The following GRIK2 variants were observed in gnomAD, a reference collection of about 807,000 sequenced individuals.
GRIK2 encodes glutamate ionotropic receptor kainate type subunit 2, also known as glutamate receptor ionotropic, kainate 2.
GRIK2 carries 32 observed loss-of-function variants against 100.3 expected under a neutral mutation model. The observed-to-expected ratio is 0.32, with a 90% confidence interval of 0.24 to 0.43. GRIK2 has a LOEUF of 0.43. Among genes scored for constraint, GRIK2 ranks in the 20% least tolerant of loss-of-function variants. GRIK2 has a pLI of 1.00. For missense variants in GRIK2, 843 were observed against 1,114.9 expected (o/e 0.76, Z 3.47); for synonymous variants, 417 against 389.4 (o/e 1.07, Z -0.83).
At chr6:101,955,168 G>A (rs1791836668) in intron 14 of GRIK2, among the ~76,000 whole-genome samples, 1 of 151,916 alleles carries the variant, frequency 6.6e-6, no homozygotes. Context: ...TGTTTTTCTT[G>A]TGATTTTTTT....
intron 4 of GRIK2, among the ~76,000 whole-genome samples, chr6:101,630,168 A>T (rs139758824): frequency 6.6e-6 from 1 of 152,122 alleles, no homozygotes; most frequent in Non-Finnish European, 1.5e-5. Context: ...TAGTGCTGCA[A>T]TGAACATATG....
At chr6:101,876,025 G>C (rs1785813004) in intron 11 of GRIK2, among the ~76,000 whole-genome samples, 1 of 151,604 alleles carries the variant, frequency 6.6e-6, no homozygotes, top group Non-Finnish European at 1.5e-5. Context: ...GTGTGTGTGT[G>C]TGTGTGTAAA....
intron 14 of GRIK2, among the ~76,000 whole-genome samples, chr6:101,963,278 A>ATTTTTTTTTTGTTTTTTTTTTTTTT (rs1792422321): frequency 3.6e-5 from 1 of 27,822 alleles, no homozygotes; most frequent in African/African-American, 1.2e-4. Context: ...CTTATTTAGG[A>ATTTTTTTTTTGTTTTTTTTTTTTTT]TTTTTTTTTT....
At chr6:101,864,566 G>A (rs1784933881) in intron 11 of GRIK2, among the ~76,000 whole-genome samples, 1 of 152,194 alleles carries the variant, frequency 6.6e-6, no homozygotes, top group Admixed American at 6.5e-5. Flanking sequence ...TAAACTCTAA[G>A]TTGGGACATG....
At chr6:101,579,203 T>C (rs932159452) in intron 2 of GRIK2, among the ~76,000 whole-genome samples, 1 of 152,116 alleles carries the variant, frequency 6.6e-6, no homozygotes, top group Non-Finnish European at 1.5e-5. Flanking sequence ...ATAAGAGAAC[T>C]GAGAGTCAAA....
At chr6:101,433,300 G>T (rs1208677526) in intron 2 of GRIK2, among the ~76,000 whole-genome samples, 4 of 152,192 alleles carry the variant, frequency 2.6e-5, no homozygotes, top group Non-Finnish European at 4.4e-5. Flanking sequence ...TGGCAGGACT[G>T]AATCAACTAA....
intron 12 of GRIK2, among the ~76,000 whole-genome samples, chr6:101,894,317 T>C (rs956334564): frequency 6.6e-6 from 1 of 151,742 alleles, no homozygotes; most frequent in Non-Finnish European, 1.5e-5. Context: ...CATATAGTTT[T>C]ATATTTTATG....
At chr6:101,859,516 T>G in intron 11 of GRIK2, 23 bp downstream of exon 11, 1 of 1,344,174 alleles carries the variant, frequency 7.4e-7, no homozygotes, top group Non-Finnish European at 1.1e-6. Flanking sequence ...CCTCATGATT[T>G]ATTAGTTTGT....
intron 4 of GRIK2, among the ~76,000 whole-genome samples, chr6:101,643,251 TA>T (rs1395010868): frequency 6.6e-6 from 1 of 151,726 alleles, no homozygotes; most frequent in Non-Finnish European, 1.5e-5. Flanking sequence ...TTACTTTTTT[TA>T]AACCTATACT....
Position 101,396,331 on chromosome 6 carries a change from G to A in GRIK2, c.-294+2494G>A, listed in dbSNP as rs758897140. The stretch of plus-strand genomic sequence containing the variant: ...AGTAACAGATGGAAATCTGGAGGTG[G>A]AGAATTGAAAGTGATAACTAATTGT... On this transcript the variant is annotated intron_variant, in intron 1 of 16. Transcript: ENST00000369134. Among the ~76,000 whole-genome samples, 70 of 151,896 alleles carry A rather than the reference G, an allele frequency of 4.6e-4. No individual in the cohort carries two copies. The Middle Eastern group carries it at 0.01, about 22-fold the overall frequency.
intron 2 of GRIK2, among the ~76,000 whole-genome samples, chr6:101,537,944 A>G (rs1042124478): frequency 1.3e-5 from 2 of 151,844 alleles, no homozygotes; most frequent in Non-Finnish European, 1.5e-5. Context: ...ATTCCGAAAT[A>G]TGATGGAGAT....
intron 2 of GRIK2, among the ~76,000 whole-genome samples, chr6:101,613,773 A>C (rs1282011656): frequency 6.6e-6 from 1 of 151,558 alleles, no homozygotes; most frequent in Non-Finnish European, 1.5e-5. Flanking sequence ...AAAAAAAAAA[A>C]AAACTAGAAA....
At chr6:101,639,914 G>T (rs555315778) in intron 4 of GRIK2, among the ~76,000 whole-genome samples, 1 of 152,062 alleles carries the variant, frequency 6.6e-6, no homozygotes, top group Non-Finnish European at 1.5e-5. Context: ...CATTAAATGC[G>T]TACTAATAAT....
chr6:102,048,569 A>G (rs1206492046), intron 15 of GRIK2, among the ~76,000 whole-genome samples: 1 of 152,094 alleles, frequency 6.6e-6, no homozygotes, highest in African/African-American at 2.4e-5. Flanking sequence ...AAAAGAAAAC[A>G]TACAAATGAC....
chr6:101,964,642 C>T (rs1792543048), intron 14 of GRIK2, among the ~76,000 whole-genome samples: 1 of 152,156 alleles, frequency 6.6e-6, no homozygotes, highest in African/African-American at 2.4e-5. Flanking sequence ...TTATGCCTGC[C>T]TAACCATTGC....
chr6:102,027,996 A>G (rs1177979457), intron 14 of GRIK2, among the ~76,000 whole-genome samples: 2 of 151,186 alleles, frequency 1.3e-5, no homozygotes, highest in African/African-American at 4.8e-5. Flanking sequence ...CACTATTCTT[A>G]CACTGATATT....
intron 7 of GRIK2, among the ~76,000 whole-genome samples, chr6:101,758,920 A>C (rs1777308693): frequency 6.6e-6 from 1 of 152,318 alleles, no homozygotes; most frequent in East Asian, 1.9e-4. Flanking sequence ...ATTTCAAAAG[A>C]GTAAAACTAT....
chr6:101,994,642 C>A (rs892745967), intron 14 of GRIK2, among the ~76,000 whole-genome samples: 1 of 151,784 alleles, frequency 6.6e-6, no homozygotes, highest in Admixed American at 6.6e-5. Flanking sequence ...TGCAGGATTT[C>A]TCCCCTAGCA....
chr6:101,714,643 A>G (rs1395917158), intron 7 of GRIK2, among the ~76,000 whole-genome samples: 1 of 151,772 alleles, frequency 6.6e-6, no homozygotes. Context: ...TCACGTTCTC[A>G]TGTAAGTTTT....
Sources: allele counts gnomAD v4.1 joint callset (sites outside exome capture counted in the v4.1 genomes callset), GRCh38; gene constraint gnomAD v4.1.1; transcripts MANE v1.5; gene names NCBI Gene and HGNC (gene_info 2026-07-23, HGNC 2026-07-21).